The following PAN3 variants were observed in gnomAD, a reference collection of about 807,000 sequenced individuals.
The protein encoded by PAN3 is PAN2-PAN3 deadenylation complex subunit PAN3.
A neutral mutation model predicts 96.2 loss-of-function variants in PAN3; 19 were observed. That is an observed-to-expected ratio of 0.20 (90% CI 0.14 to 0.29). The LOEUF is 0.29. Ranked by LOEUF, PAN3 falls within the 10% of genes least tolerant of loss-of-function variation. The probability of loss-of-function intolerance (pLI) is 1.00; values close to 1 mark genes in which losing one functional copy is unlikely to be tolerated. For synonymous variants in PAN3, 433 were observed against 406.6 expected, an observed-to-expected ratio of 1.06 and a Z score of -0.78; for missense variants, 882 against 1,108.1, an observed-to-expected ratio of 0.80 and a Z score of 2.90.
intron 5 of PAN3, among the ~76,000 whole-genome samples, chr13:28,211,499 G>A (rs1046460162): frequency 6.6e-6 from 1 of 152,168 alleles, no homozygotes; most frequent in Admixed American, 6.5e-5. Context: ...TGTAAGGAAA[G>A]CACAACAAAA....
Position 28,197,230 on chromosome 13 carries a change from A to T in PAN3, c.736A>T (p.Met246Leu), listed in dbSNP as rs370785599. ...GATGCTGGAGGAGAGGCTAGTTCCG[A>T]TGGGATCAAAGGCACGAAAAGCAAA... ...LGMLEERLVP[M>L]GSKARKAKNP... is the part of the protein sequence containing the mutation. Residue 246 changes from methionine to leucine, a missense_variant, in exon 5 of 19, where the codon ATG (methionine) becomes TTG (leucine). This residue lies in a region of PAN3 where 442 missense variants were observed against 422.8 expected (regional missense o/e 1.05). Transcript: ENST00000380958. 5.0e-6 allele frequency: 8 copies of T among 1,613,558 alleles called. No individual in the cohort carries two copies. Among genetic ancestry groups the T allele is most frequent in the Non-Finnish European group, 5.1e-6 (6 of 1,179,758 alleles).
chr13:28,226,991 G>A (rs1396988551), intron 6 of PAN3, among the ~76,000 whole-genome samples: 1 of 152,170 alleles, frequency 6.6e-6, no homozygotes, highest in Non-Finnish European at 1.5e-5. Context: ...CAAGGTTTTT[G>A]TGAAGTGGAC....
In PAN3 at chr13:28,266,638, TATC is replaced by T; in HGVS notation, c.1412-74_1412-72del. ...TGATACACAAGGGGTTTATAGTAAA[TATC>T]ATGTCTTCTGTATTTTTGAGAAAGA... On this transcript the variant is annotated intron_variant, in intron 9 of 18. Transcript: ENST00000380958. The T allele has an allele frequency of 8.5e-6, 10 of 1,181,846 alleles. No homozygotes were observed. The South Asian group carries it at 2.0e-4, about 23-fold the overall frequency. 73.2% of individuals were successfully genotyped at this position (1,181,846 alleles called of 1,614,324 possible).
chr13:28,139,923 ATTTC>A (rs1869458391), intron 1 of PAN3, among the ~76,000 whole-genome samples: 1 of 151,658 alleles, frequency 6.6e-6, no homozygotes, highest in Non-Finnish European at 1.5e-5. Context: ...GGCTGTTTAT[ATTTC>A]TTTTTCATGT....
chr13:28,208,937 A>C (rs1460332280), intron 5 of PAN3, among the ~76,000 whole-genome samples: 1 of 152,192 alleles, frequency 6.6e-6, no homozygotes, highest in Non-Finnish European at 1.5e-5. Context: ...AAAATTATAC[A>C]GTGGTCCTTC....
intron 6 of PAN3, among the ~76,000 whole-genome samples, chr13:28,236,139 A>C (rs1257133907): frequency 2.0e-5 from 3 of 152,176 alleles, no homozygotes; most frequent in African/African-American, 7.2e-5. Context: ...AAGTATTAAG[A>C]TTGAACATTT....
At chr13:28,239,201 GCACACACACA>G (rs561281678) in intron 6 of PAN3, among the ~76,000 whole-genome samples, 1 of 101,256 alleles carries the variant, frequency 9.9e-6, no homozygotes, top group Admixed American at 1.4e-4. Flanking sequence ...ATGCACACAC[GCACACACACA>G]CACACACACA....
intron 1 of PAN3, 109 bp downstream of exon 1, chr13:28,139,196 A>G (rs750502792): frequency 4.8e-5 from 57 of 1,180,258 alleles, no homozygotes; most frequent in Non-Finnish European, 6.0e-5. Flanking sequence ...TCCCCCCCTC[A>G]CCTCCCAAGG....
intron 8 of PAN3, 111 bp downstream of exon 8, chr13:28,260,662 G>A (rs1593586542): frequency 3.6e-6 from 3 of 836,502 alleles, no homozygotes; most frequent in East Asian, 2.7e-5. Context: ...ATATGCTCTA[G>A]TAAAGCACAT....
At chr13:28,213,977 G>A (rs1880402709) in intron 5 of PAN3, among the ~76,000 whole-genome samples, 1 of 152,086 alleles carries the variant, frequency 6.6e-6, no homozygotes, top group South Asian at 2.1e-4. Context: ...TACAGTGCTG[G>A]TGGATGTAGT....
chr13:28,185,625 G>A (rs1876358475), intron 4 of PAN3, among the ~76,000 whole-genome samples: 1 of 152,050 alleles, frequency 6.6e-6, no homozygotes, highest in Non-Finnish European at 1.5e-5. Context: ...TTAAAGGTGT[G>A]TGTGGTAGTA....
At chr13:28,161,641 A>T (rs568824905) in intron 1 of PAN3, among the ~76,000 whole-genome samples, 2 of 152,216 alleles carry the variant, frequency 1.3e-5, no homozygotes, top group East Asian at 3.8e-4. Context: ...AACAAATGAG[A>T]TAATAACCTG....
At chr13:28,147,277 A>G (rs1247035313) in intron 1 of PAN3, among the ~76,000 whole-genome samples, 1 of 152,186 alleles carries the variant, frequency 6.6e-6, no homozygotes, top group Non-Finnish European at 1.5e-5. Context: ...ATTTATCAGA[A>G]TGTAGCCCCA....
intron 7 of PAN3, among the ~76,000 whole-genome samples, chr13:28,259,296 TTG>T (rs1885478316): frequency 1.3e-5 from 2 of 150,760 alleles, no homozygotes; most frequent in Non-Finnish European, 3.0e-5. Flanking sequence ...CCTGGCTAAT[TTG>T]TGTTTTTTTT....
chr13:28,203,807 C>A (rs999660228), intron 5 of PAN3, among the ~76,000 whole-genome samples: 14 of 139,860 alleles, frequency 1.0e-4, no homozygotes, highest in Middle Eastern at 3.7e-3. Context: ...TTTTTCTTTT[C>A]TTTTTTTTTT....
At chr13:28,276,137 C>T (rs988189349) in intron 14 of PAN3, among the ~76,000 whole-genome samples, 6 of 152,094 alleles carry the variant, frequency 3.9e-5, no homozygotes, top group African/African-American at 1.4e-4. Flanking sequence ...ATACCAATAC[C>T]TAGATTTTTA....
intron 6 of PAN3, among the ~76,000 whole-genome samples, chr13:28,221,216 T>C (rs1486902437): frequency 1.3e-5 from 2 of 152,150 alleles, no homozygotes; most frequent in Non-Finnish European, 2.9e-5. Context: ...TAAGGTGGTA[T>C]GCACAATCAC....
chr13:28,171,117 C>T (rs1874248844), intron 1 of PAN3, among the ~76,000 whole-genome samples: 1 of 152,228 alleles, frequency 6.6e-6, no homozygotes, highest in East Asian at 1.9e-4. Context: ...TTTTAACCAA[C>T]CACATGACCC....
At chr13:28,261,366 T>A in intron 8 of PAN3, 35 bp from the exon 9 acceptor site, 1 of 1,408,584 alleles carries the variant, frequency 7.1e-7, no homozygotes, top group Non-Finnish European at 9.5e-7. Context: ...TCAGAATCTG[T>A]GTTTAAATAA....
Sources: gnomAD v4.1 joint callset for allele counts (sites outside exome capture counted in the v4.1 genomes callset) on GRCh38, gnomAD v4.1.1 for gene constraint, gnomAD v4.1.1 regional missense constraint, MANE v1.5 for transcripts, NCBI Gene and HGNC (gene_info 2026-07-23, HGNC 2026-07-21) for gene names.